PIWIL2: variants seen among roughly 807,000 people sequenced by gnomAD.
PIWIL2 encodes the protein piwi like RNA-mediated gene silencing 2, also known as piwi-like protein 2.
Under a neutral mutation model 116.5 loss-of-function variants are expected in PIWIL2, and 81 were observed. That is an observed-to-expected ratio of 0.70 (90% CI 0.58 to 0.84). PIWIL2 has a LOEUF of 0.84. Ranked by LOEUF, PIWIL2 falls within the 40% of genes least tolerant of loss-of-function variation. The pLI, the probability that PIWIL2 is intolerant of heterozygous loss-of-function variation, is 0.00. For synonymous variants in PIWIL2, 489 were observed against 429.5 expected, an observed-to-expected ratio of 1.14 and a Z score of -1.71; for missense variants, 1,272 against 1,212.3, an observed-to-expected ratio of 1.05 and a Z score of -0.73.
intron 14 of PIWIL2, among the ~76,000 whole-genome samples, chr8:22,308,828 T>C (rs988135864): frequency 6.6e-5 from 10 of 152,270 alleles, no homozygotes; most frequent in Admixed American, 5.9e-4. Context: ...TTTGTATTTT[T>C]AGTAGAGACG....
chr8:22,335,562 TTTTG>T (rs1478821979), intron 20 of PIWIL2, among the ~76,000 whole-genome samples: 1 of 150,020 alleles, frequency 6.7e-6, no homozygotes, highest in African/African-American at 2.5e-5. Context: ...TTTTTTTTTT[TTTTG>T]AGACGCAGTC....
At chr8:22,342,259 T>A (rs1455390148) in intron 20 of PIWIL2, among the ~76,000 whole-genome samples, 1 of 152,228 alleles carries the variant, frequency 6.6e-6, no homozygotes, top group Non-Finnish European at 1.5e-5. Flanking sequence ...CTAGATTCAA[T>A]GCAATCTTAC....
At chr8:22,285,518 C>T (rs1306609541) in intron 6 of PIWIL2, among the ~76,000 whole-genome samples, 1 of 152,188 alleles carries the variant, frequency 6.6e-6, no homozygotes, top group African/African-American at 2.4e-5. Context: ...CTGCAGTGAA[C>T]ATGGGAGTGC....
intron 10 of PIWIL2, among the ~76,000 whole-genome samples, chr8:22,290,939 A>G (rs1830747483): frequency 6.6e-6 from 1 of 151,518 alleles, no homozygotes; most frequent in Non-Finnish European, 1.5e-5. Context: ...TATACAATGT[A>G]TGTGTTACTG....
At chr8:22,294,263 G>A (rs1205121851) in intron 10 of PIWIL2, among the ~76,000 whole-genome samples, 2 of 150,810 alleles carry the variant, frequency 1.3e-5, no homozygotes, top group Non-Finnish European at 1.5e-5. Context: ...GCTTGAACCC[G>A]GGAGGCAGAG....
chr8:22,333,707 C>G (rs1260949944), intron 20 of PIWIL2, among the ~76,000 whole-genome samples: 1 of 151,870 alleles, frequency 6.6e-6, no homozygotes. Flanking sequence ...TTGCCTGGGG[C>G]TGGGGTCGAG....
At chr8:22,295,655 C>T (rs1425132049) in intron 10 of PIWIL2, among the ~76,000 whole-genome samples, 2 of 152,140 alleles carry the variant, frequency 1.3e-5, no homozygotes, top group African/African-American at 2.4e-5. Context: ...CCCTTGTCCC[C>T]TGCAGCTGTT....
At chr8:22,316,506 G>A (rs978435642) in intron 19 of PIWIL2, among the ~76,000 whole-genome samples, 173 bp downstream of exon 19, 4 of 151,724 alleles carry the variant, frequency 2.6e-5, no homozygotes, top group Admixed American at 6.6e-5. Context: ...GGTGGAAATG[G>A]AGTCTCCCTC....
At chr8:22,300,227 G>A (rs1035911929) in intron 10 of PIWIL2, among the ~76,000 whole-genome samples, 3 of 152,106 alleles carry the variant, frequency 2.0e-5, no homozygotes, top group African/African-American at 7.2e-5. Flanking sequence ...TAAGGGGGGC[G>A]AGGAAGAAGA....
chr8:22,331,960 C>T (rs896831913), intron 20 of PIWIL2, among the ~76,000 whole-genome samples: 1 of 152,050 alleles, frequency 6.6e-6, no homozygotes, highest in Non-Finnish European at 1.5e-5. Context: ...TAATTCATCC[C>T]CTAACAATGG....
intron 20 of PIWIL2, among the ~76,000 whole-genome samples, chr8:22,335,796 T>C (rs1419876726): frequency 6.6e-6 from 1 of 152,156 alleles, no homozygotes; most frequent in Non-Finnish European, 1.5e-5. Flanking sequence ...TGGCTTCAAG[T>C]GATCCACCTG....
rs370745472 is a variant in PIWIL2 at position 22,304,138 on chromosome 8, T to C, written c.1299T>C (p.Asp433=). ...NNRTYRIDDV[D]WNKTPKDSFT... is the part of the protein sequence containing the mutation. ...GTACCTATCGTATTGATGATGTGGA[T>C]TGGAATAAGACTCCAAAGGATAGCT... Residue 433 remains aspartate, a synonymous_variant, in exon 11 of 23, where the codon GAT becomes GAC. Coordinates refer to ENST00000356766, the MANE Select transcript of PIWIL2 (RefSeq NM_018068.5). 4.3e-6 allele frequency: 7 copies of C among 1,613,302 alleles called. No homozygotes were observed. The African/African-American group carries it at 6.7e-5, about 15-fold the overall frequency.
chr8:22,340,840 T>C (rs1181197198), intron 20 of PIWIL2, among the ~76,000 whole-genome samples: 2 of 152,148 alleles, frequency 1.3e-5, no homozygotes, highest in Non-Finnish European at 2.9e-5. Flanking sequence ...GCCTCCCAAG[T>C]AGCTGGGTCT....
chr8:22,328,527 A>AT (rs1331966175), intron 20 of PIWIL2, among the ~76,000 whole-genome samples: 2 of 152,158 alleles, frequency 1.3e-5, no homozygotes, highest in African/African-American at 2.4e-5. Context: ...TTTGAAGAGT[A>AT]TTGTCATCTT....
chr8:22,336,555 TAAGG>T (rs1831985346), intron 20 of PIWIL2, among the ~76,000 whole-genome samples: 2 of 152,028 alleles, frequency 1.3e-5, no homozygotes. Context: ...GCTTCCACCT[TAAGG>T]AACCAGAAAA....
intron 20 of PIWIL2, among the ~76,000 whole-genome samples, chr8:22,330,259 A>G (rs796649531): frequency 5.3e-5 from 8 of 152,176 alleles, no homozygotes; most frequent in African/African-American, 1.4e-4. Flanking sequence ...TGCAGTTACC[A>G]TAGTTTCTCA....
chr8:22,275,346 C>G lies in PIWIL2; in HGVS notation c.-99C>G, dbSNP rs1365071699. ...CCCCGGGGCGTGGGTTGAGCTCGGT[C>G]TTCCCCTGAGGCCGCGCGGAGCTGG... On this transcript the variant is annotated 5_prime_UTR_variant, in exon 1 of 23. Transcript: ENST00000356766. 1 of 135,834 alleles carries G rather than the reference C, an allele frequency of 7.4e-6. No individual in the cohort carries two copies. Among genetic ancestry groups the G allele is most frequent in the Admixed American group, 7.6e-5 (1 of 13,194 alleles). 8.4% of individuals were successfully genotyped at this position (135,834 alleles called of 1,614,324 possible). A position where few individuals can be genotyped will look rare whatever the true frequency, so the allele number is the denominator to read the frequency against.
chr8:22,307,847 G>T (rs1320771082), intron 13 of PIWIL2, 86 bp from the exon 14 acceptor site: 9 of 1,017,750 alleles, frequency 8.8e-6, no homozygotes, highest in East Asian at 2.6e-5. Context: ...ATGGGAAAGA[G>T]AAACATTTTA....
At chr8:22,288,979 C>CAAGACG in intron 8 of PIWIL2, among the ~76,000 whole-genome samples, 1 of 152,074 alleles carries the variant, frequency 6.6e-6, no homozygotes, top group Non-Finnish European at 1.5e-5. Flanking sequence ...AAGGGGGCTA[C>CAAGACG]TTAAAGAGGT....
Sources: allele counts gnomAD v4.1 joint callset (sites outside exome capture counted in the v4.1 genomes callset), GRCh38; gene constraint gnomAD v4.1.1; transcripts MANE v1.5; gene names NCBI Gene and HGNC (gene_info 2026-07-23, HGNC 2026-07-21).